Variants in EZH2 observed in about 807,000 individuals in gnomAD.
The protein encoded by EZH2 is histone-lysine N-methyltransferase EZH2.
EZH2 carries 18 observed loss-of-function variants against 98.4 expected under a neutral mutation model. The ratio of observed to expected loss-of-function variants is 0.18; its 90% confidence interval spans 0.13 to 0.27. The LOEUF is 0.27. Ranked by LOEUF, EZH2 falls within the 10% of genes least tolerant of loss-of-function variation. The pLI, the probability that EZH2 is intolerant of heterozygous loss-of-function variation, is 1.00. For missense variants in EZH2, 470 were observed against 935.1 expected, an observed-to-expected ratio of 0.50 and a Z score of 6.49; for synonymous variants, 338 against 312.3, an observed-to-expected ratio of 1.08 and a Z score of -0.87.
At chr7:148,837,349 C>T (rs921781564) in intron 3 of EZH2, among the ~76,000 whole-genome samples, 7 of 152,046 alleles carry the variant, frequency 4.6e-5, no homozygotes, top group East Asian at 3.9e-4. Context: ...GTGACAACAG[C>T]GAGGAAGGTG....
intron 9 of EZH2, 119 bp downstream of exon 9, chr7:148,819,477 T>C: frequency 1.4e-6 from 1 of 731,910 alleles, no homozygotes; most frequent in Non-Finnish European, 2.3e-6. Flanking sequence ...GAAAGCTCTG[T>C]CTATCATATG....
intron 6 of EZH2, among the ~76,000 whole-genome samples, chr7:148,828,291 A>G (rs566239365): frequency 6.6e-6 from 1 of 152,188 alleles, no homozygotes; most frequent in African/African-American, 2.4e-5. Context: ...TTGCTAGCCA[A>G]AGGAAACAAA....
At chr7:148,846,108 T>TAA in intron 3 of EZH2, among the ~76,000 whole-genome samples, 2 of 152,214 alleles carry the variant, frequency 1.3e-5, no homozygotes, top group Non-Finnish European at 2.9e-5. Context: ...AAACATTTCT[T>TAA]ACCACATGGC....
chr7:148,836,052 G>C (rs764322637), intron 3 of EZH2, among the ~76,000 whole-genome samples: 2 of 152,130 alleles, frequency 1.3e-5, no homozygotes, highest in Non-Finnish European at 2.9e-5. Context: ...TGAGTCATGC[G>C]AGAGTCACTA....
At chr7:148,861,441 G>A (rs1817650973) in intron 1 of EZH2, among the ~76,000 whole-genome samples, 1 of 151,912 alleles carries the variant, frequency 6.6e-6, no homozygotes. Flanking sequence ...TGGCCAGGCT[G>A]GTCTCGAACT....
At chr7:148,839,061 G>GAAGGAGAAGGAAGGAAGGAAGT (rs1199420874) in intron 3 of EZH2, among the ~76,000 whole-genome samples, 10 of 126,778 alleles carry the variant, frequency 7.9e-5, no homozygotes, top group African/African-American at 2.8e-4. Flanking sequence ...AATAAGGAAG[G>GAAGGAGAAGGAAGGAAGGAAGT]AAGGAAGGAA....
At chr7:148,856,641 A>C (rs1816879088) in intron 1 of EZH2, among the ~76,000 whole-genome samples, 1 of 152,248 alleles carries the variant, frequency 6.6e-6, no homozygotes, top group Non-Finnish European at 1.5e-5. Context: ...AAGGCAAGCC[A>C]GTAGAAGAAG....
chr7:148,836,057 T>C (rs1287029799), intron 3 of EZH2, among the ~76,000 whole-genome samples: 1 of 152,012 alleles, frequency 6.6e-6, no homozygotes, highest in Admixed American at 6.6e-5. Flanking sequence ...CATGCGAGAG[T>C]CACTAAGAGA....
intron 1 of EZH2, among the ~76,000 whole-genome samples, chr7:148,851,952 G>C (rs897004420): frequency 6.6e-6 from 1 of 152,226 alleles, no homozygotes. Flanking sequence ...CTACTGAATG[G>C]ACACTGTGTA....
chr7:148,846,539 T>C lies in EZH2; in HGVS notation c.177A>G (p.Glu59=), dbSNP rs1240590434. 8.7e-6 allele frequency: 14 copies of C among 1,613,934 alleles called. No homozygotes were observed. The highest frequency in any genetic ancestry group is 1.1e-5 in the Non-Finnish European group (13 of 1,179,912). ...CAGGCTGTATCCTTCGCTGTTTCCA[T>C]TCTTGGTTTAAGATTTCCGTTCTTT... ...ILERTEILNQ[E]WKQRRIQPVH... Residue 59 remains glutamate (E), a synonymous_variant, in exon 3 of 20, where the codon GAA becomes GAG. Coordinates refer to ENST00000320356, the MANE Select transcript of EZH2 (RefSeq NM_004456.5).
chr7:148,846,220 A>T (rs900772385), intron 3 of EZH2, among the ~76,000 whole-genome samples: 2 of 151,066 alleles, frequency 1.3e-5, no homozygotes, highest in Non-Finnish European at 1.5e-5. Flanking sequence ...TTTTTTTTTT[A>T]AATCAACATT....
chr7:148,847,079 CAAACTTGGCTAGAATTATTT>C, intron 2 of EZH2, 83 bp downstream of exon 2: 4 of 1,371,900 alleles, frequency 2.9e-6, no homozygotes, highest in Non-Finnish European at 2.9e-6. Context: ...ATTGTAAATA[CAAACTTGGCTAGAATTATTT>C]TAAATAAAAA....
At chr7:148,881,951 TACACACACACACACGCGCGCGCAC>T (rs1247085505) in intron 1 of EZH2, among the ~76,000 whole-genome samples, 2 of 109,822 alleles carry the variant, frequency 1.8e-5, no homozygotes, top group African/African-American at 3.8e-5. Flanking sequence ...AAAAAACATA[TACACACACACACACGCGCGCGCAC>T]ACACACACAC....
chr7:148,836,270 C>T (rs904872685), intron 3 of EZH2, among the ~76,000 whole-genome samples: 1 of 152,194 alleles, frequency 6.6e-6, no homozygotes, highest in African/African-American at 2.4e-5. Context: ...ATTTAGAAAA[C>T]TGATGGTCTA....
At chr7:148,848,157 C>T (rs1049536456) in intron 1 of EZH2, among the ~76,000 whole-genome samples, 1 of 152,152 alleles carries the variant, frequency 6.6e-6, no homozygotes, top group Non-Finnish European at 1.5e-5. Flanking sequence ...TCAGGCTATG[C>T]AAAGCTTTAC....
At chr7:148,875,692 T>G (rs945955323) in intron 1 of EZH2, among the ~76,000 whole-genome samples, 1 of 152,198 alleles carries the variant, frequency 6.6e-6, no homozygotes, top group Admixed American at 6.5e-5. Flanking sequence ...GGAAAAGAGT[T>G]TAACGGTTTC....
rs1268221776 is a variant in EZH2, at chr7:148,815,132, G to A, written c.1547-93C>T. The stretch of plus-strand genomic sequence containing the variant: ...ACGAGTACATTCTTCCCTACTACCT[G>A]TGGAGTGTAGCTGGCCTGCCTTTAC... On this transcript the variant is annotated intron_variant, in intron 13 of 19. Coordinates refer to ENST00000320356, the MANE Select transcript of EZH2 (RefSeq NM_004456.5). The A allele has an allele frequency of 2.7e-6, 4 of 1,458,466 alleles. No individual in the cohort carries two copies. The South Asian group carries it at 4.0e-5, about 15-fold the overall frequency. The allele number at this position is 1,458,466 out of a possible 1,614,324, so 90.3% of individuals were successfully genotyped here.
chr7:148,830,806 T>C (rs1378169564), intron 4 of EZH2, among the ~76,000 whole-genome samples: 2 of 152,132 alleles, frequency 1.3e-5, no homozygotes, highest in African/African-American at 2.4e-5. Flanking sequence ...TTGACATTCA[T>C]AGGAGGAAGA....
At chr7:148,867,551 C>T (rs181912180) in intron 1 of EZH2, among the ~76,000 whole-genome samples, 35 of 152,236 alleles carry the variant, frequency 2.3e-4, no homozygotes, top group African/African-American at 5.1e-4. Flanking sequence ...TTATATAATT[C>T]CTACAGTTAC....
Sources: allele counts gnomAD v4.1 joint callset (sites outside exome capture counted in the v4.1 genomes callset), GRCh38; gene constraint gnomAD v4.1.1; transcripts MANE v1.5; gene names NCBI Gene and HGNC (gene_info 2026-07-23, HGNC 2026-07-21).